The following TMX3 variants were observed in gnomAD, a reference collection of about 807,000 sequenced individuals.
TMX3 encodes the protein protein disulfide-isomerase TMX3.
A neutral mutation model predicts 64.4 loss-of-function variants in TMX3; 40 were observed. That is an observed-to-expected ratio of 0.62 (90% CI 0.48 to 0.81). The LOEUF is 0.81. Among genes scored for constraint, TMX3 ranks in the 30% least tolerant of loss-of-function variants. The pLI, the probability that TMX3 is intolerant of heterozygous loss-of-function variation, is 0.00. For missense variants in TMX3, 497 were observed against 534.5 expected, an observed-to-expected ratio of 0.93 and a Z score of 0.69; for synonymous variants, 189 against 175.7, an observed-to-expected ratio of 1.08 and a Z score of -0.60.
intron 4 of TMX3, among the ~76,000 whole-genome samples, chr18:68,707,999 A>G (rs573506964): frequency 2.7e-5 from 4 of 145,966 alleles, no homozygotes; most frequent in African/African-American, 1.1e-4. Flanking sequence ...ATATATGTGT[A>G]TATATATGTG....
chr18:68,680,941 CCT>C (rs748639922), intron 14 of TMX3, 38 bp downstream of exon 14: 4 of 1,524,478 alleles, frequency 2.6e-6, no homozygotes, highest in South Asian at 1.4e-5. Flanking sequence ...TCCTCTACCC[CCT>C]GTCCATCATC....
intron 9 of TMX3, among the ~76,000 whole-genome samples, chr18:68,690,289 C>T (rs779159109): frequency 2.6e-5 from 4 of 152,070 alleles, no homozygotes; most frequent in African/African-American, 4.8e-5. Context: ...AGGAGCCCAC[C>T]GAGCACTGAA....
At chr18:68,685,699 C>G (rs552432192) in intron 10 of TMX3, among the ~76,000 whole-genome samples, 166 of 152,178 alleles carry the variant, frequency 1.1e-3, no homozygotes, top group Non-Finnish European at 1.6e-3. Context: ...CAAGGCTCTG[C>G]GCTTGTGAAA....
intron 15 of TMX3, 24 bp downstream of exon 15, chr18:68,679,439 A>T: frequency 6.3e-7 from 1 of 1,580,770 alleles, no homozygotes; most frequent in South Asian, 1.1e-5. Context: ...TTCATTATCA[A>T]TGACATAAAC....
chr18:68,706,161 G>A (rs1317118728), intron 4 of TMX3: 1 of 152,484 alleles, frequency 6.6e-6, no homozygotes, highest in African/African-American at 2.4e-5. Flanking sequence ...GGCCGAGGCA[G>A]GCAGATCACC....
intron 3 of TMX3, among the ~76,000 whole-genome samples, chr18:68,710,937 G>A (rs887939065): frequency 6.6e-6 from 1 of 152,038 alleles, no homozygotes; most frequent in South Asian, 2.1e-4. Flanking sequence ...AAACTTTAAA[G>A]AAAGGAAGGT....
intron 1 of TMX3, chr18:68,714,329 T>C (rs2031660578): frequency 6.4e-6 from 1 of 155,954 alleles, no homozygotes; most frequent in African/African-American, 2.4e-5. Context: ...AGGAAGAAAG[T>C]CGAGCTGCAA....
chr18:68,694,822 T>C (rs537659067), intron 8 of TMX3, among the ~76,000 whole-genome samples: 1 of 152,322 alleles, frequency 6.6e-6, no homozygotes, highest in South Asian at 2.1e-4. Flanking sequence ...AACATCTACA[T>C]ACATATTGCA....
intron 8 of TMX3, among the ~76,000 whole-genome samples, chr18:68,695,897 C>T (rs1159650485): frequency 6.6e-6 from 1 of 152,200 alleles, no homozygotes; most frequent in Non-Finnish European, 1.5e-5. Context: ...CACTGCCCTC[C>T]ACCCACTTCC....
At chr18:68,705,491 T>C (rs1003137370) in intron 4 of TMX3, among the ~76,000 whole-genome samples, 1 of 152,178 alleles carries the variant, frequency 6.6e-6, no homozygotes, top group Non-Finnish European at 1.5e-5. Context: ...ATTGGCCAAA[T>C]GTCATTCCAA....
At chr18:68,695,528 C>T (rs918804452) in intron 8 of TMX3, among the ~76,000 whole-genome samples, 1 of 152,134 alleles carries the variant, frequency 6.6e-6, no homozygotes, top group Non-Finnish European at 1.5e-5. Flanking sequence ...TCCATATTTT[C>T]AACTTCTTCC....
At position 68,675,230 on chromosome 18, in the gene TMX3, C is replaced by A. The variant is rs1912830628; in HGVS notation, c.*1703G>T. On this transcript the variant is annotated 3_prime_UTR_variant, in exon 16 of 16. Coordinates refer to ENST00000299608, the MANE Select transcript of TMX3 (RefSeq NM_019022.5). ...ATCTTCCCAAGAATCACTCATCATT[C>A]TTTGGAGAAGAATCTACTTGTTAAA... 1 of 152,046 alleles carries A rather than the reference C, an allele frequency of 6.6e-6. No homozygotes were observed. Among genetic ancestry groups the A allele is most frequent in the African/African-American group, 2.4e-5 (1 of 41,412 alleles). The allele number at this position is 152,046 out of a possible 1,614,324, so 9.4% of individuals were successfully genotyped here.
chr18:68,687,257 G>GT lies in TMX3; in HGVS notation c.736+409dup, dbSNP rs137977113. On this transcript the variant is annotated intron_variant, in intron 10 of 15. Coordinates refer to ENST00000299608, the MANE Select transcript of TMX3 (RefSeq NM_019022.5). ...TGCGTTGCCTGTCATTTCCAACAGCGTAACTTGAAGAAACCATGCCAATTT... is the reference window on the plus strand; with the variant it reads ...TGCGTTGCCTGTCATTTCCAACAGCGTTAACTTGAAGAAACCATGCCAATTT... 5,652 of 985,312 alleles carry GT rather than the reference G, an allele frequency of 5.7e-3. 194 individuals carry two copies. In the African/African-American group the frequency reaches 0.078, roughly 14 times the overall value. The allele number at this position is 985,312 out of a possible 1,614,324, so 61.0% of individuals were successfully genotyped here.
At chr18:68,697,157 T>C in intron 8 of TMX3, 69 bp downstream of exon 8, 1 of 798,342 alleles carries the variant, frequency 1.3e-6, no homozygotes, top group Non-Finnish European at 2.0e-6. Context: ...AATCACAATT[T>C]AGTTTATTAA....
rs372464472 is a variant in TMX3 at position 68,698,043 on chromosome 18, C to T, written c.393-12G>A. The stretch of plus-strand genomic sequence containing the variant: ...GCCGAATTAGAGCCCTGTTGCACAA[C>T]AAAACAAAAAACAAACTTGAATTAT... On this transcript the variant is annotated splice_polypyrimidine_tract_variant and intron_variant, in intron 6 of 15. Coordinates refer to ENST00000299608, the MANE Select transcript of TMX3 (RefSeq NM_019022.5). 7 of 1,587,894 alleles carry T rather than the reference C, an allele frequency of 4.4e-6. No homozygotes were observed. In the African/African-American group the frequency reaches 6.8e-5, roughly 15 times the overall value.
At chr18:68,694,820 C>G (rs936465366) in intron 8 of TMX3, among the ~76,000 whole-genome samples, 1 of 152,168 alleles carries the variant, frequency 6.6e-6, no homozygotes, top group African/African-American at 2.4e-5. Context: ...TAAACATCTA[C>G]ATACATATTG....
chr18:68,697,356 T>G, intron 7 of TMX3, 53 bp from the exon 8 acceptor site: 1 of 1,019,178 alleles, frequency 9.8e-7, no homozygotes, highest in Non-Finnish European at 1.4e-6. Flanking sequence ...AAGGCCAAAA[T>G]TCATTCCTCA....
chr18:68,688,840 A>C (rs630580), intron 9 of TMX3: 3 of 152,068 alleles, frequency 2.0e-5, no homozygotes, highest in South Asian at 2.1e-4. Flanking sequence ...GTTCTCATTT[A>C]TAAGTGGGCG....
chr18:68,713,741 T>C (rs2031561043), intron 2 of TMX3, 105 bp downstream of exon 2: 2 of 515,436 alleles, frequency 3.9e-6, no homozygotes, highest in South Asian at 1.3e-4. Context: ...ATGAGTGATA[T>C]ATAAAAATTG....
Sources: allele counts gnomAD v4.1 joint callset (sites outside exome capture counted in the v4.1 genomes callset), GRCh38; gene constraint gnomAD v4.1.1; transcripts MANE v1.5; gene names NCBI Gene and HGNC (gene_info 2026-07-23, HGNC 2026-07-21).